ELOVL7: variants seen among roughly 807,000 people sequenced by gnomAD.
ELOVL7 encodes ELOVL fatty acid elongase 7, also known as very long chain fatty acid elongase 7.
In ELOVL7, 27 loss-of-function variants were observed where a neutral mutation model predicts 35.7. The observed-to-expected ratio is 0.76, with a 90% confidence interval of 0.56 to 1.04. The LOEUF (loss-of-function observed/expected upper bound fraction) is 1.04, where lower values mean the gene tolerates loss of function less well. ELOVL7 is among the 50% of genes least tolerant of loss of function. ELOVL7 has a pLI of 0.00. For synonymous variants in ELOVL7, 113 were observed against 114.6 expected, an observed-to-expected ratio of 0.99 and a Z score of 0.09; for missense variants, 327 against 340.8, an observed-to-expected ratio of 0.96 and a Z score of 0.32.
At chr5:60,817,577 A>G (rs908537165) in intron 1 of ELOVL7, among the ~76,000 whole-genome samples, 5 of 147,740 alleles carry the variant, frequency 3.4e-5, no homozygotes, top group Non-Finnish European at 7.4e-5. Context: ...ATATATGTGT[A>G]TATATATATG....
chr5:60,803,532 A>G (rs1405922266), intron 1 of ELOVL7, among the ~76,000 whole-genome samples: 2 of 152,186 alleles, frequency 1.3e-5, no homozygotes, highest in Non-Finnish European at 2.9e-5. Context: ...ACTTTGCAAC[A>G]CCATATAAGA....
chr5:60,836,872 A>G (rs1476850288), intron 1 of ELOVL7, among the ~76,000 whole-genome samples: 1 of 151,930 alleles, frequency 6.6e-6, no homozygotes, highest in Non-Finnish European at 1.5e-5. Context: ...GTTTATTTTT[A>G]TGGTTGCCCT....
chr5:60,835,670 C>T (rs1293345250), intron 1 of ELOVL7, among the ~76,000 whole-genome samples: 1 of 152,026 alleles, frequency 6.6e-6, no homozygotes, highest in Non-Finnish European at 1.5e-5. Context: ...ACTTAGGCTT[C>T]TCAAAGTGGT....
chr5:60,777,352 T>G (rs1742968871), intron 3 of ELOVL7, among the ~76,000 whole-genome samples: 1 of 151,968 alleles, frequency 6.6e-6, no homozygotes, highest in African/African-American at 2.4e-5. Context: ...ATTCCATAAA[T>G]ATATACACCT....
intron 1 of ELOVL7, among the ~76,000 whole-genome samples, chr5:60,821,003 A>T (rs549553615): frequency 2.0e-5 from 3 of 152,236 alleles, no homozygotes; most frequent in African/African-American, 7.2e-5. Context: ...TAAGCCCTAT[A>T]CAAAGTTCTC....
intron 1 of ELOVL7, among the ~76,000 whole-genome samples, chr5:60,803,550 G>A (rs993810659): frequency 1.3e-5 from 2 of 152,166 alleles, no homozygotes; most frequent in Non-Finnish European, 2.9e-5. Context: ...AGACTTGTTA[G>A]TGAATTACAT....
intron 3 of ELOVL7, chr5:60,784,166 T>C: frequency 6.6e-7 from 1 of 1,508,828 alleles, no homozygotes; most frequent in Non-Finnish European, 8.9e-7. Context: ...AGGTACTGGC[T>C]CAAAGAGTAC....
Position 60,751,902 on chromosome 5 carries a change from T to C in ELOVL7, c.*2722A>G, listed in dbSNP as rs1053528605. 3 of 152,052 alleles carry C rather than the reference T, an allele frequency of 2.0e-5. No individual in the cohort carries two copies. The highest frequency in any genetic ancestry group is 7.2e-5 in the African/African-American group (3 of 41,404). 9.4% of individuals were successfully genotyped at this position (152,052 alleles called of 1,614,324 possible). ...AAAAGTTAGCAGAAATAAAGGGTAA[T>C]GGAAAGAATATAATCTCGTAATTTT... On this transcript the variant is annotated 3_prime_UTR_variant, in exon 9 of 9. Transcript: ENST00000508821.
intron 3 of ELOVL7, among the ~76,000 whole-genome samples, chr5:60,780,661 A>G (rs1743193556): frequency 6.6e-6 from 1 of 152,220 alleles, no homozygotes; most frequent in African/African-American, 2.4e-5. Flanking sequence ...ACTTACAATC[A>G]TGACATAAGG....
chr5:60,794,053 A>G (rs868422154), intron 2 of ELOVL7, among the ~76,000 whole-genome samples: 23 of 152,314 alleles, frequency 1.5e-4, no homozygotes, highest in African/African-American at 5.3e-4. Context: ...CCTGCCTCCA[A>G]AGGCCTGAAA....
intron 1 of ELOVL7, among the ~76,000 whole-genome samples, chr5:60,836,350 ATCTT>A (rs750728531): frequency 1.3e-5 from 2 of 152,024 alleles, no homozygotes; most frequent in Non-Finnish European, 2.9e-5. Flanking sequence ...TGCCATTTCT[ATCTT>A]CTTTCTTTCT....
At chr5:60,831,607 T>C (rs1746482912) in intron 1 of ELOVL7, among the ~76,000 whole-genome samples, 2 of 152,242 alleles carry the variant, frequency 1.3e-5, no homozygotes, top group East Asian at 1.9e-4. Context: ...TTCATTAACA[T>C]CCACAATTCG....
At chr5:60,794,153 A>T (rs2112261472) in intron 2 of ELOVL7, among the ~76,000 whole-genome samples, 1 of 152,330 alleles carries the variant, frequency 6.6e-6, no homozygotes, top group East Asian at 1.9e-4. Flanking sequence ...TGCCCCATGA[A>T]TACTGCTCCT....
intron 3 of ELOVL7, chr5:60,785,910 C>G (rs764833371): frequency 2.6e-5 from 4 of 152,150 alleles, no homozygotes; most frequent in Non-Finnish European, 5.9e-5. Flanking sequence ...GCTGAGAAAG[C>G]TGCAAATGAT....
intron 2 of ELOVL7, among the ~76,000 whole-genome samples, chr5:60,787,648 T>C (rs1335473842): frequency 6.6e-6 from 1 of 152,190 alleles, no homozygotes; most frequent in African/African-American, 2.4e-5. Flanking sequence ...ACTGCTAACA[T>C]CACTGAAAAA....
intron 1 of ELOVL7, among the ~76,000 whole-genome samples, chr5:60,804,574 T>C (rs1561455712): frequency 6.6e-6 from 1 of 152,208 alleles, no homozygotes; most frequent in African/African-American, 2.4e-5. Context: ...TGGGACCAAC[T>C]GGGAAGTCTC....
rs373511341 is a variant in ELOVL7, at chr5:60,772,027, T to C, written c.131A>G (p.Tyr44Cys). The change falls in exon 4 of 9, where the codon TAT becomes TGT. Residue 44 changes from tyrosine (Y) to cysteine (C), a missense_variant. Physicochemically the swap from Tyr to Cys is radical, Grantham distance 194 (BLOSUM62 -2). Coordinates refer to ENST00000508821, the MANE Select transcript of ELOVL7 (RefSeq NM_024930.3). ...TCCCAAGGAAGTGACAAAATAGACA[T>C]AGAATCCTAGGAGGATGGTTTGTGG... is the stretch of plus-strand genomic sequence containing the variant. ...PLPQTILLGF[Y>C]VYFVTSLGPK... The C allele has an allele frequency of 8.7e-5, 140 of 1,613,520 alleles. No individual in the cohort carries two copies. The highest frequency in any genetic ancestry group is 1.1e-4 in the Non-Finnish European group (135 of 1,179,766).
intron 3 of ELOVL7, among the ~76,000 whole-genome samples, chr5:60,780,905 T>TA (rs1264219535): frequency 6.6e-6 from 1 of 151,866 alleles, no homozygotes; most frequent in Non-Finnish European, 1.5e-5. Flanking sequence ...GCTAATGAAA[T>TA]AAAAAACTAA....
chr5:60,758,213 C>A (rs532645782), intron 7 of ELOVL7, among the ~76,000 whole-genome samples: 2 of 152,270 alleles, frequency 1.3e-5, no homozygotes, highest in Admixed American at 6.5e-5. Context: ...TGGAATTACA[C>A]AGGATGTACT....
Sources: gnomAD v4.1 joint callset for allele counts (sites outside exome capture counted in the v4.1 genomes callset) on GRCh38, gnomAD v4.1.1 for gene constraint, MANE v1.5 for transcripts, NCBI Gene and HGNC (gene_info 2026-07-23, HGNC 2026-07-21) for gene names.